MON2: variants seen among roughly 807,000 people sequenced by gnomAD.
MON2 encodes MON2 regulator of endosome-to-Golgi trafficking, also known as protein MON2 homolog.
A neutral mutation model predicts 208.6 loss-of-function variants in MON2; 84 were observed. The observed-to-expected ratio is 0.40, with a 90% CI of 0.34 to 0.48. The LOEUF (loss-of-function observed/expected upper bound fraction) is 0.48. Ranked by LOEUF, MON2 falls within the 20% of genes least tolerant of loss-of-function variation. The pLI is 0.59. For synonymous variants in MON2, 660 were observed against 694.0 expected (o/e 0.95, Z 0.77); for missense variants, 1,611 against 2,015.4 (o/e 0.80, Z 3.84).
intron 7 of MON2, among the ~76,000 whole-genome samples, chr12:62,506,262 C>T (rs1440537656): frequency 6.6e-6 from 1 of 151,986 alleles, no homozygotes; most frequent in Non-Finnish European, 1.5e-5. Context: ...CTCTTAAGAT[C>T]TCATTTTGGA....
intron 5 of MON2, among the ~76,000 whole-genome samples, chr12:62,500,426 C>T (rs569655843): frequency 6.6e-5 from 10 of 151,842 alleles, no homozygotes; most frequent in Non-Finnish European, 5.9e-5. Context: ...ATATGGTAAA[C>T]GTTTATGTTT....
Position 62,578,444 on chromosome 12 carries a change from G to A in MON2, c.4515-1G>A. 7.6e-7 allele frequency: 1 copy of A among 1,313,156 alleles called. No homozygotes were observed. The highest frequency in any genetic ancestry group is 1.0e-6 in the Non-Finnish European group (1 of 956,236). The allele number at this position is 1,313,156 out of a possible 1,614,324, so 81.3% of individuals were successfully genotyped here. Reference sequence around the variant, plus strand: ...AAAAATCAAGTGTTTTTTTTTTTTAGCATACCTCCAGATAATCTCTCTATT... The same window carrying A: ...AAAAATCAAGTGTTTTTTTTTTTTAACATACCTCCAGATAATCTCTCTATT... On this transcript the variant is annotated splice_acceptor_variant, in intron 30 of 34. Coordinates refer to ENST00000393630, the MANE Select transcript of MON2 (RefSeq NM_015026.3). LOFTEE classifies it high-confidence loss of function.
At chr12:62,474,597 T>C (rs1231030253) in intron 1 of MON2, among the ~76,000 whole-genome samples, 1 of 150,352 alleles carries the variant, frequency 6.7e-6, no homozygotes, top group East Asian at 2.0e-4. Context: ...GCTAATTTTG[T>C]ATATTTAGTA....
chr12:62,512,765 G>T (rs1019643025), intron 8 of MON2, among the ~76,000 whole-genome samples: 6 of 152,148 alleles, frequency 3.9e-5, no homozygotes, highest in African/African-American at 1.2e-4. Context: ...CTTCTGTATT[G>T]CCCTAGCAGA....
intron 1 of MON2, 85 bp from the exon 2 acceptor site, chr12:62,484,085 T>C: frequency 1.0e-6 from 1 of 973,462 alleles, no homozygotes; most frequent in Non-Finnish European, 1.6e-6. Context: ...GTGCTTGATA[T>C]TTTGTCTATC....
chr12:62,511,581 C>T (rs1394584827), intron 8 of MON2, among the ~76,000 whole-genome samples: 3 of 146,624 alleles, frequency 2.0e-5, no homozygotes, highest in Admixed American at 6.9e-5. Context: ...GAGGTTAGAC[C>T]CTTACCTTAT....
At chr12:62,574,192 T>C (rs762538532) in intron 30 of MON2, among the ~76,000 whole-genome samples, 4 of 152,224 alleles carry the variant, frequency 2.6e-5, no homozygotes, top group Non-Finnish European at 5.9e-5. Context: ...GCACCTGGCA[T>C]GTAAGTACTT....
At chr12:62,516,927 T>G (rs1002285878) in intron 8 of MON2, among the ~76,000 whole-genome samples, 2 of 151,988 alleles carry the variant, frequency 1.3e-5, no homozygotes, top group African/African-American at 4.8e-5. Context: ...GAAATGAAAA[T>G]AATTACAATA....
intron 20 of MON2, 48 bp downstream of exon 20, chr12:62,543,246 A>G (rs765866105): frequency 1.4e-5 from 14 of 1,010,070 alleles, no homozygotes; most frequent in Admixed American, 2.8e-5. Context: ...AAACATTTGC[A>G]CACTGAGCTA....
intron 34 of MON2, 145 bp downstream of exon 34, chr12:62,588,301 A>G (rs1021110381): frequency 2.9e-5 from 17 of 582,980 alleles, no homozygotes; most frequent in Non-Finnish European, 4.5e-5. Flanking sequence ...CAAAGCATCA[A>G]GTCCATTAGG....
At chr12:62,551,303 GGTTATTAATTGGCCTAATTTCACT>G (rs2073731635) in intron 23 of MON2, among the ~76,000 whole-genome samples, 1 of 152,012 alleles carries the variant, frequency 6.6e-6, no homozygotes, top group Non-Finnish European at 1.5e-5. Context: ...GTCATTGTAG[GGTTATTAATTGGCCTAATTTCACT>G]GTTGTTGTAT....
rs1190406323 is a variant in MON2 at position 62,476,968 on chromosome 12, C to A, written c.112-7202C>A. ...GATAGGAATTCGAGACTAGCCTGGGCAACATAGCAAGACCCCCATCTCTAC... is the reference window on the plus strand; with the variant it reads ...GATAGGAATTCGAGACTAGCCTGGGAAACATAGCAAGACCCCCATCTCTAC... On this transcript the variant is annotated intron_variant, in intron 1 of 34. Transcript: ENST00000393630. Among the ~76,000 whole-genome samples, 3 of 152,198 alleles carry A rather than the reference C, an allele frequency of 2.0e-5. No individual in the cohort carries two copies. The East Asian group carries it at 5.8e-4, about 29-fold the overall frequency.
At chr12:62,566,576 G>T in intron 29 of MON2, 126 bp downstream of exon 29, 1 of 997,556 alleles carries the variant, frequency 1.0e-6, no homozygotes, top group Non-Finnish European at 1.4e-6. Context: ...TATTTGTAAT[G>T]ACTTTTCTCC....
At chr12:62,501,768 A>G in intron 7 of MON2, 70 bp downstream of exon 7, 3 of 1,568,498 alleles carry the variant, frequency 1.9e-6, no homozygotes, top group Non-Finnish European at 2.6e-6. Context: ...AAAGAAAGCA[A>G]CGTGTATTTT....
chr12:62,473,430 T>C (rs2068896443), intron 1 of MON2, among the ~76,000 whole-genome samples: 2 of 152,240 alleles, frequency 1.3e-5, no homozygotes, highest in African/African-American at 2.4e-5. Flanking sequence ...CTTGTTTTTG[T>C]TATTGTTCCC....
intron 29 of MON2, among the ~76,000 whole-genome samples, chr12:62,569,127 A>G (rs879562285): frequency 8.5e-5 from 13 of 152,172 alleles, no homozygotes; most frequent in Non-Finnish European, 1.5e-4. Flanking sequence ...TCCTGTTTAG[A>G]TGTGTAAACA....
At position 62,585,452 on chromosome 12, in the gene MON2, C is replaced by T; in HGVS notation, c.4858C>T (p.His1620Tyr). The T allele has an allele frequency of 1.2e-6, 2 of 1,613,552 alleles. No individual in the cohort carries two copies. The highest frequency in any genetic ancestry group is 1.1e-5 in the South Asian group (1 of 91,062). ...TTTAAAGAGGTCCCAAGATGTACTA[C>T]ATCGCTATATAGAGGATGAAAGATT... is the stretch of plus-strand genomic sequence containing the variant. ...VLLKRSQDVL[H>Y]RYIEDERLSG... The change falls in exon 33 of 35, where the codon CAT becomes TAT. Residue 1620 changes from histidine (H) to tyrosine (Y), a missense_variant. Physicochemically the swap from His to Tyr is moderately conservative, Grantham distance 83 (BLOSUM62 2). Transcript: ENST00000393630.
At chr12:62,503,989 A>G (rs1374919315) in intron 7 of MON2, among the ~76,000 whole-genome samples, 1 of 151,464 alleles carries the variant, frequency 6.6e-6, no homozygotes, top group Non-Finnish European at 1.5e-5. Flanking sequence ...TGTATTATAT[A>G]TTATTACATA....
intron 34 of MON2, chr12:62,588,759 A>G: frequency 1.6e-6 from 1 of 631,612 alleles, no homozygotes; most frequent in Non-Finnish European, 2.6e-6. Context: ...GTCACACTTT[A>G]TTTCCCACAA....
Sources: gnomAD v4.1 joint callset for allele counts (sites outside exome capture counted in the v4.1 genomes callset) on GRCh38, gnomAD v4.1.1 for gene constraint, MANE v1.5 for transcripts, NCBI Gene and HGNC (gene_info 2026-07-23, HGNC 2026-07-21) for gene names.